The following TRAPPC9 variants were observed in gnomAD, a reference collection of about 807,000 sequenced individuals.
TRAPPC9 encodes the protein trafficking protein particle complex subunit 9.
TRAPPC9 carries 83 observed loss-of-function variants against 124.0 expected under a neutral mutation model. The ratio of observed to expected loss-of-function variants is 0.67; its 90% CI spans 0.56 to 0.80. TRAPPC9 has a LOEUF of 0.80. Ranked by LOEUF, TRAPPC9 falls within the 30% of genes least tolerant of loss-of-function variation. TRAPPC9 has a pLI of 0.00. For missense variants in TRAPPC9, 1,302 were observed against 1,508.3 expected (o/e 0.86, Z 2.27); for synonymous variants, 638 against 617.5 (o/e 1.03, Z -0.49).
intron 18 of TRAPPC9, among the ~76,000 whole-genome samples, chr8:139,994,771 G>A (rs894527138): frequency 2.0e-5 from 3 of 152,128 alleles, no homozygotes; most frequent in Admixed American, 6.5e-5. Flanking sequence ...GCAATCATGT[G>A]ATGGTCTTGG....
chr8:140,069,636 T>A (rs1356426064), intron 17 of TRAPPC9, among the ~76,000 whole-genome samples: 1 of 152,110 alleles, frequency 6.6e-6, no homozygotes, highest in East Asian at 1.9e-4. Context: ...CCAGAAATGT[T>A]TCCTGCTGAT....
In TRAPPC9 at chr8:140,384,587, G is replaced by A. The variant is rs531829993; in HGVS notation, c.1134+13033C>T. Among the ~76,000 whole-genome samples, 7 of 152,238 alleles carry A rather than the reference G, an allele frequency of 4.6e-5. No individual in the cohort carries two copies. The East Asian group carries it at 1.4e-3, about 29-fold the overall frequency. ...GAAGGCCATTACATAATGGCATAAT[G>A]GTAAAGGTATCAATTCAACAAGAAG... On this transcript the variant is annotated intron_variant, in intron 7 of 22. Coordinates refer to ENST00000438773, the MANE Select transcript of TRAPPC9 (RefSeq NM_001160372.4).
At chr8:140,419,428 C>CAAAAAAAAAAAAAA (rs61155157) in intron 5 of TRAPPC9, among the ~76,000 whole-genome samples, 5 of 79,586 alleles carry the variant, frequency 6.3e-5, no homozygotes, top group Non-Finnish European at 9.8e-5. Flanking sequence ...GACTCCGTCT[C>CAAAAAAAAAAAAAA]AAAAAAAAAA....
At chr8:139,970,793 A>T (rs902665857) in intron 19 of TRAPPC9, among the ~76,000 whole-genome samples, 1 of 152,152 alleles carries the variant, frequency 6.6e-6, no homozygotes, top group African/African-American at 2.4e-5. Flanking sequence ...TGCAATGCGC[A>T]GCCCAGTGCC....
chr8:140,003,014 T>G (rs2131807962), intron 18 of TRAPPC9, among the ~76,000 whole-genome samples: 1 of 151,880 alleles, frequency 6.6e-6, no homozygotes, highest in East Asian at 1.9e-4. Flanking sequence ...AAAATTAGAT[T>G]TATTAAAATT....
At chr8:139,796,411 C>T (rs1823100568) in intron 21 of TRAPPC9, among the ~76,000 whole-genome samples, 1 of 152,172 alleles carries the variant, frequency 6.6e-6, no homozygotes, top group Non-Finnish European at 1.5e-5. Context: ...GCATCAGACG[C>T]CTCCCCATCC....
chr8:140,331,134 TA>T (rs1045625361), intron 9 of TRAPPC9, among the ~76,000 whole-genome samples: 389 of 139,306 alleles, frequency 2.8e-3, no homozygotes, highest in Admixed American at 4.9e-3. Flanking sequence ...GTAGACCAAT[TA>T]AAAAAAAAAA....
chr8:140,085,670 C>T (rs1246714394), intron 17 of TRAPPC9, among the ~76,000 whole-genome samples: 1 of 152,154 alleles, frequency 6.6e-6, no homozygotes, highest in Non-Finnish European at 1.5e-5. Flanking sequence ...GCTCTGCCTA[C>T]TCACTTAGAG....
At position 139,788,834 on chromosome 8, in the gene TRAPPC9, G is replaced by T. The variant is rs1314142634; in HGVS notation, c.3056-56632C>A. Among the ~76,000 whole-genome samples, 1 of 152,182 alleles carries T rather than the reference G, an allele frequency of 6.6e-6. No homozygotes were observed. The highest frequency in any genetic ancestry group is 2.4e-5 in the African/African-American group (1 of 41,448). The stretch of plus-strand genomic sequence containing the variant: ...TGCCTTCACAAGAGGTGTGGTGGGG[G>T]GCTTTCAGAAACAAAACAAGATATT... On this transcript the variant is annotated intron_variant, in intron 21 of 22. Coordinates refer to ENST00000438773, the MANE Select transcript of TRAPPC9 (RefSeq NM_001160372.4). The surrounding 1 kb of genome is among the most constrained non-coding windows in gnomAD (Gnocchi z 4.9).
intron 19 of TRAPPC9, among the ~76,000 whole-genome samples, chr8:139,957,493 T>G (rs1056749334): frequency 2.0e-5 from 3 of 152,140 alleles, no homozygotes; most frequent in African/African-American, 7.2e-5. Context: ...GGGACCTAGG[T>G]AGGGCACGCT....
At chr8:139,919,430 C>T (rs1832367825) in intron 19 of TRAPPC9, among the ~76,000 whole-genome samples, 4 of 152,140 alleles carry the variant, frequency 2.6e-5, no homozygotes, top group Admixed American at 2.0e-4. Flanking sequence ...GTGATGGTTG[C>T]ACAACTCTGT....
At chr8:140,228,808 A>T (rs1437591223) in intron 16 of TRAPPC9, among the ~76,000 whole-genome samples, 1 of 152,222 alleles carries the variant, frequency 6.6e-6, no homozygotes, top group African/African-American at 2.4e-5. Context: ...ATCACAACAA[A>T]TATTTTTTAA....
intron 9 of TRAPPC9, among the ~76,000 whole-genome samples, chr8:140,325,633 CA>C (rs2066715139): frequency 6.6e-6 from 1 of 152,190 alleles, no homozygotes; most frequent in African/African-American, 2.4e-5. Context: ...CAAACTCCCA[CA>C]AAAATTTCCA....
At chr8:140,402,054 G>A (rs1184566193) in intron 6 of TRAPPC9, among the ~76,000 whole-genome samples, 1 of 151,542 alleles carries the variant, frequency 6.6e-6, no homozygotes, top group Non-Finnish European at 1.5e-5. Flanking sequence ...CTGGAGTTTT[G>A]ATGGGGCTTT....
intron 19 of TRAPPC9, among the ~76,000 whole-genome samples, chr8:139,963,571 T>C (rs1027762464): frequency 1.4e-4 from 22 of 151,898 alleles, no homozygotes; most frequent in African/African-American, 5.1e-4. Context: ...TGGCCTCAGG[T>C]CACGTGGGCC....
intron 17 of TRAPPC9, among the ~76,000 whole-genome samples, chr8:140,112,625 G>T (rs2060802985): frequency 6.6e-6 from 1 of 152,138 alleles, no homozygotes; most frequent in South Asian, 2.1e-4. Context: ...CTTTACAGAA[G>T]AAACTGCAGG....
intron 21 of TRAPPC9, among the ~76,000 whole-genome samples, chr8:139,824,388 G>A (rs549520153): frequency 2.0e-5 from 3 of 152,284 alleles, no homozygotes; most frequent in East Asian, 1.9e-4. Context: ...CAGTCACCAC[G>A]TGGCTAAGGC....
At chr8:139,891,329 A>T (rs977612977) in intron 20 of TRAPPC9, among the ~76,000 whole-genome samples, 7 of 152,382 alleles carry the variant, frequency 4.6e-5, no homozygotes, top group Admixed American at 2.0e-4. Context: ...GAAGCAAAGC[A>T]TGCATCTGGC....
intron 7 of TRAPPC9, among the ~76,000 whole-genome samples, chr8:140,395,246 G>A (rs564953236): frequency 1.6e-4 from 24 of 152,122 alleles, no homozygotes; most frequent in Non-Finnish European, 2.9e-4. Flanking sequence ...GTTTTTACTC[G>A]GTTTATGGGC....
Sources: gnomAD v4.1 joint callset for allele counts (sites outside exome capture counted in the v4.1 genomes callset) on GRCh38, gnomAD v4.1.1 for gene constraint, Gnocchi (gnomAD v3.1) non-coding constraint, MANE v1.5 for transcripts, NCBI Gene and HGNC (gene_info 2026-07-23, HGNC 2026-07-21) for gene names.